Variants in PTPRO observed in about 807,000 individuals in gnomAD.
PTPRO encodes receptor-type tyrosine-protein phosphatase O.
PTPRO carries 62 observed loss-of-function variants against 145.2 expected under a neutral mutation model. That is an observed-to-expected ratio of 0.43 (90% confidence interval 0.35 to 0.53). The LOEUF is 0.53. Ranked by LOEUF, PTPRO falls within the 20% of genes least tolerant of loss-of-function variation. PTPRO has a pLI of 0.01. For missense variants in PTPRO, 1,345 were observed against 1,482.7 expected, an observed-to-expected ratio of 0.91 and a Z score of 1.53; for synonymous variants, 565 against 514.7, an observed-to-expected ratio of 1.10 and a Z score of -1.32.
intron 1 of PTPRO, among the ~76,000 whole-genome samples, chr12:15,327,414 C>T (rs978658683): frequency 4.6e-5 from 7 of 152,076 alleles, no homozygotes; most frequent in African/African-American, 1.7e-4. Context: ...ATATTTTTGC[C>T]TCCTCTTCCA....
At chr12:15,383,824 G>A (rs1259028921) in intron 1 of PTPRO, among the ~76,000 whole-genome samples, 1 of 152,098 alleles carries the variant, frequency 6.6e-6, no homozygotes. Flanking sequence ...CAGACTCTCT[G>A]GAAAAGACCT....
chr12:15,588,005 A>C (rs2135667260), intron 24 of PTPRO, among the ~76,000 whole-genome samples: 1 of 152,326 alleles, frequency 6.6e-6, no homozygotes, highest in East Asian at 1.9e-4. Flanking sequence ...TAAGCTACTA[A>C]GTTTCTGTTT....
At chr12:15,552,493 T>C (rs940666185) in intron 15 of PTPRO, among the ~76,000 whole-genome samples, 2 of 152,244 alleles carry the variant, frequency 1.3e-5, no homozygotes, top group African/African-American at 4.8e-5. Flanking sequence ...AATAGTGATC[T>C]AATCAGTGCC....
At position 15,585,678 on chromosome 12, in the gene PTPRO, T is replaced by C. The variant is rs551162221; in HGVS notation, c.3256-1219T>C. Among the ~76,000 whole-genome samples the C allele has an allele frequency of 3.9e-5, 6 of 152,300 alleles. No individual in the cohort carries two copies. The South Asian group carries it at 1.0e-3, about 26-fold the overall frequency. The stretch of plus-strand genomic sequence containing the variant: ...TCAAAACTGACAGCGAGGCCAAGCT[T>C]CCCTCCTTCCCAGTTATGATATAGT... On this transcript the variant is annotated intron_variant, in intron 23 of 26. Coordinates refer to ENST00000281171, the MANE Select transcript of PTPRO (RefSeq NM_030667.3).
chr12:15,563,403 G>A (rs547130274), intron 17 of PTPRO, among the ~76,000 whole-genome samples: 9 of 152,106 alleles, frequency 5.9e-5, no homozygotes, highest in Non-Finnish European at 1.2e-4. Flanking sequence ...TTTTAGTCTC[G>A]GAATTAGCAC....
At chr12:15,344,354 C>G (rs192162321) in intron 1 of PTPRO, among the ~76,000 whole-genome samples, 18 of 152,290 alleles carry the variant, frequency 1.2e-4, no homozygotes, top group Non-Finnish European at 2.1e-4. Flanking sequence ...TCAGAGCACT[C>G]TTTTGCAAAT....
At chr12:15,364,892 A>T (rs1368674489) in intron 1 of PTPRO, among the ~76,000 whole-genome samples, 1 of 152,172 alleles carries the variant, frequency 6.6e-6, no homozygotes, top group Non-Finnish European at 1.5e-5. Flanking sequence ...AAATTTTGTT[A>T]TTCTAATATC....
intron 18 of PTPRO, among the ~76,000 whole-genome samples, chr12:15,566,968 T>C (rs1272811828): frequency 6.6e-6 from 1 of 152,072 alleles, no homozygotes; most frequent in Non-Finnish European, 1.5e-5. Context: ...CCAAAAACTG[T>C]TGGTTGGGTT....
intron 1 of PTPRO, among the ~76,000 whole-genome samples, chr12:15,468,792 T>C (rs1455377438): frequency 6.6e-6 from 1 of 152,058 alleles, no homozygotes; most frequent in African/African-American, 2.4e-5. Flanking sequence ...AAACATTGAG[T>C]CAAGCATCTG....
intron 1 of PTPRO, among the ~76,000 whole-genome samples, chr12:15,364,252 A>G (rs1938293368): frequency 6.6e-6 from 1 of 152,204 alleles, no homozygotes; most frequent in African/African-American, 2.4e-5. Context: ...TTACCAGAAA[A>G]TAAACTAAAC....
At chr12:15,514,047 T>C (rs1262205164) in intron 7 of PTPRO, among the ~76,000 whole-genome samples, 1 of 152,234 alleles carries the variant, frequency 6.6e-6, no homozygotes, top group East Asian at 1.9e-4. Flanking sequence ...TTAGTTGAAT[T>C]ATCAATTCTT....
chr12:15,581,182 G>T (rs530718767), intron 22 of PTPRO, among the ~76,000 whole-genome samples: 1 of 152,246 alleles, frequency 6.6e-6, no homozygotes, highest in Admixed American at 6.5e-5. Context: ...AGTCCCAACA[G>T]GCTGTTTCAG....
intron 1 of PTPRO, among the ~76,000 whole-genome samples, chr12:15,360,918 A>T (rs147966881): frequency 1.9e-5 from 2 of 106,216 alleles, no homozygotes; most frequent in African/African-American, 6.7e-5. Context: ...ATATACACAC[A>T]TGTATATACA....
At chr12:15,550,553 A>T (rs1039318774) in intron 14 of PTPRO, among the ~76,000 whole-genome samples, 5 of 152,168 alleles carry the variant, frequency 3.3e-5, no homozygotes. Context: ...CTTATTTATA[A>T]ATGAGGAAAA....
At chr12:15,584,724 A>G (rs1446633327) in intron 23 of PTPRO, among the ~76,000 whole-genome samples, 3 of 152,182 alleles carry the variant, frequency 2.0e-5, no homozygotes, top group Non-Finnish European at 4.4e-5. Context: ...GCTAATTAAT[A>G]TATTTTTCAA....
At chr12:15,534,573 C>A (rs1486339214) in intron 12 of PTPRO, among the ~76,000 whole-genome samples, 1 of 152,180 alleles carries the variant, frequency 6.6e-6, no homozygotes, top group African/African-American at 2.4e-5. Flanking sequence ...TGCAGAATGA[C>A]TGTGTGGTCA....
rs1685888654 is a variant in PTPRO, at chr12:15,398,471, A to G, written c.75+75670A>G. ...TACTATTTATATGCTAGCTATAGCT[A>G]TACTTTTTCCAAAAAAAAAAAAAAC... is the stretch of plus-strand genomic sequence containing the variant. On this transcript the variant is annotated intron_variant, in intron 1 of 26. Coordinates refer to ENST00000281171, the MANE Select transcript of PTPRO (RefSeq NM_030667.3). Among the ~76,000 whole-genome samples the G allele has an allele frequency of 2.6e-5, 4 of 151,324 alleles. No homozygotes were observed. The South Asian group carries it at 8.4e-4, about 32-fold the overall frequency.
intron 1 of PTPRO, among the ~76,000 whole-genome samples, chr12:15,467,857 G>T (rs916896006): frequency 6.6e-6 from 1 of 152,180 alleles, no homozygotes; most frequent in Admixed American, 6.5e-5. Context: ...CTCATACAAA[G>T]CATTTGTGAA....
At chr12:15,587,727 C>T (rs754678706) in intron 24 of PTPRO, among the ~76,000 whole-genome samples, 1 of 152,180 alleles carries the variant, frequency 6.6e-6, no homozygotes, top group Non-Finnish European at 1.5e-5. Flanking sequence ...AAATCTATCT[C>T]TGTGATACAA....
Sources: allele counts gnomAD v4.1 joint callset (sites outside exome capture counted in the v4.1 genomes callset), GRCh38; gene constraint gnomAD v4.1.1; transcripts MANE v1.5; gene names NCBI Gene and HGNC (gene_info 2026-07-23, HGNC 2026-07-21).